GLT1D1: variants seen among roughly 807,000 people sequenced by gnomAD.
The protein encoded by GLT1D1 is glycosyltransferase 1 domain-containing protein 1.
In GLT1D1, 21 loss-of-function variants were observed where a neutral mutation model predicts 28.7. The ratio of observed to expected loss-of-function variants is 0.73; its 90% CI spans 0.52 to 1.05. The LOEUF is 1.05. Ranked by LOEUF, GLT1D1 falls within the 50% of genes least tolerant of loss-of-function variation. GLT1D1 has a pLI of 0.00. For synonymous variants in GLT1D1, 147 were observed against 124.8 expected (o/e 1.18, Z -1.19); for missense variants, 343 against 330.6 (o/e 1.04, Z -0.29).
intron 4 of GLT1D1, among the ~76,000 whole-genome samples, chr12:128,908,382 C>CTT (rs1374404760): frequency 2.9e-4 from 12 of 41,046 alleles, no homozygotes; most frequent in East Asian, 1.2e-3. Flanking sequence ...TCTTTTCTTT[C>CTT]TCTTTCTTTC....
At chr12:128,939,881 C>T (rs1293776403) in intron 4 of GLT1D1, among the ~76,000 whole-genome samples, 1 of 150,344 alleles carries the variant, frequency 6.7e-6, no homozygotes, top group African/African-American at 2.4e-5. Context: ...CAGGCCCCAC[C>T]TCCAACAATG....
intron 4 of GLT1D1, among the ~76,000 whole-genome samples, chr12:128,919,976 T>C (rs934411503): frequency 1.1e-4 from 3 of 26,730 alleles, no homozygotes; most frequent in Admixed American, 4.5e-4. Flanking sequence ...TCTCTCTCTC[T>C]CTCTCTCTCT....
chr12:128,934,797 C>T (rs192342696), intron 4 of GLT1D1, among the ~76,000 whole-genome samples: 42 of 152,318 alleles, frequency 2.8e-4, no homozygotes, highest in African/African-American at 9.6e-4. Flanking sequence ...GCCCTTCATT[C>T]AAGGCTTCAC....
intron 4 of GLT1D1, among the ~76,000 whole-genome samples, chr12:128,904,989 G>A (rs1412804434): frequency 2.0e-5 from 3 of 152,126 alleles, no homozygotes; most frequent in East Asian, 1.9e-4. Flanking sequence ...GGCTGGTCTC[G>A]AACTCCTGAC....
chr12:128,908,880 C>T (rs927612486), intron 4 of GLT1D1, among the ~76,000 whole-genome samples: 13 of 152,080 alleles, frequency 8.5e-5, no homozygotes, highest in Non-Finnish European at 1.5e-4. Context: ...ACCCGGGAGG[C>T]AGAGCTTGCA....
At chr12:128,860,121 T>C (rs992340247) in intron 1 of GLT1D1, among the ~76,000 whole-genome samples, 4 of 152,214 alleles carry the variant, frequency 2.6e-5, no homozygotes, top group African/African-American at 9.6e-5. Flanking sequence ...CTAAGCAATG[T>C]AACATTAGCA....
chr12:128,954,757 G>T (rs1449106665), intron 6 of GLT1D1, among the ~76,000 whole-genome samples: 1 of 152,220 alleles, frequency 6.6e-6, no homozygotes, highest in African/African-American at 2.4e-5. Context: ...TCAGATGAGT[G>T]TGGAAAACAT....
chr12:128,874,130 CTTTCTTTCTT>C (rs1566091556), intron 1 of GLT1D1, among the ~76,000 whole-genome samples: 17 of 55,726 alleles, frequency 3.1e-4, no homozygotes, highest in South Asian at 1.2e-3. Flanking sequence ...CTCTCTCTTT[CTTTCTTTCTT>C]TCTTTCTTTC....
chr12:128,928,534 G>T lies in GLT1D1; in HGVS notation c.376-16792G>T, dbSNP rs560492029. Among the ~76,000 whole-genome samples, 10 of 152,218 alleles carry T rather than the reference G, an allele frequency of 6.6e-5. No homozygotes were observed. In the South Asian group the frequency reaches 2.1e-3, roughly 32 times the overall value. On this transcript the variant is annotated intron_variant, in intron 4 of 7. Coordinates refer to ENST00000281703, the MANE Select transcript of GLT1D1 (RefSeq NM_144669.3). ...AATGAGCTCGTCTTTACTCCAAGCG[G>T]TTTGGAAAACAGAATACACCTAGTG...
At chr12:128,918,446 A>G (rs1207515951) in intron 4 of GLT1D1, among the ~76,000 whole-genome samples, 1 of 152,226 alleles carries the variant, frequency 6.6e-6, no homozygotes, top group Non-Finnish European at 1.5e-5. Flanking sequence ...ACACCTGCAC[A>G]TCCTGCACAC....
At chr12:128,895,498 C>T (rs7301347) in intron 3 of GLT1D1, among the ~76,000 whole-genome samples, 29,547 of 150,620 alleles carry the variant, frequency 0.2, 3,358 homozygotes, top group Admixed American at 0.27. Context: ...GCTCTGTCAC[C>T]CAGGCTGGAG....
intron 7 of GLT1D1, among the ~76,000 whole-genome samples, chr12:128,964,308 G>A (rs959347444): frequency 8.5e-5 from 13 of 152,152 alleles, no homozygotes; most frequent in African/African-American, 3.1e-4. Context: ...ACTTGAGCCT[G>A]AGAGGTAGAG....
chr12:128,873,001 C>A (rs1460629722), intron 1 of GLT1D1, among the ~76,000 whole-genome samples: 1 of 152,072 alleles, frequency 6.6e-6, no homozygotes, highest in African/African-American at 2.4e-5. Flanking sequence ...ACTCATCGAT[C>A]CTCCCATCTC....
Position 128,879,378 on chromosome 12 carries a change from T to TTTTCTTTCTTTCTTTCTTTCTTTCTTTC in GLT1D1, c.217+3372_217+3399dup, listed in dbSNP as rs572806857. On this transcript the variant is annotated intron_variant, in intron 2 of 7. Coordinates refer to ENST00000281703, the MANE Select transcript of GLT1D1 (RefSeq NM_144669.3). ...AAAGTGATACTTATTATTTTTTTCTTTTTCTTTCTTTCTTTCTTTCTTTCT... is the reference window on the plus strand; with the variant it reads ...AAAGTGATACTTATTATTTTTTTCTTTTTCTTTCTTTCTTTCTTTCTTTCTTTCTTTCTTTCTTTCTTTCTTTCTTTCT... 1.6e-3 allele frequency among the ~76,000 whole-genome samples: 115 copies of TTTTCTTTCTTTCTTTCTTTCTTTCTTTC among 69,920 alleles called. 2 individuals carry two copies. Among genetic ancestry groups the TTTTCTTTCTTTCTTTCTTTCTTTCTTTC allele is most frequent in the East Asian group, 3.4e-3 (8 of 2,342 alleles). 45.9% of individuals were successfully genotyped at this position (69,920 alleles called of 152,430 possible).
At chr12:128,914,754 A>G in intron 4 of GLT1D1, 179 bp from the exon 6 acceptor site, 1 of 486,664 alleles carries the variant, frequency 2.1e-6, no homozygotes, top group Non-Finnish European at 3.6e-6. Flanking sequence ...CGGGAAGAGG[A>G]GGTTGCAGTG....
At chr12:128,908,404 CTTTCT>C (rs1566122699) in intron 4 of GLT1D1, among the ~76,000 whole-genome samples, 1 of 123,720 alleles carries the variant, frequency 8.1e-6, no homozygotes, top group Non-Finnish European at 1.6e-5. Context: ...CTCTCTCTCT[CTTTCT>C]TTCTTTCTTT....
At chr12:128,977,267 C>T (rs985266862) in intron 7 of GLT1D1, among the ~76,000 whole-genome samples, 1 of 152,130 alleles carries the variant, frequency 6.6e-6, no homozygotes, top group Admixed American at 6.5e-5. Context: ...CAGCTCCAGA[C>T]TCCTCAGAAA....
intron 4 of GLT1D1, chr12:128,907,006 C>A: frequency 2.9e-6 from 2 of 700,648 alleles, no homozygotes; most frequent in South Asian, 3.0e-5. Flanking sequence ...TCGGAATGAG[C>A]TGCGTGTCTC....
chr12:128,931,027 A>G (rs1873812245), intron 4 of GLT1D1, among the ~76,000 whole-genome samples: 2 of 146,756 alleles, frequency 1.4e-5, no homozygotes, highest in Admixed American at 6.9e-5. Flanking sequence ...AATGAGACGG[A>G]GTCTTGCTCT....
Sources: gnomAD v4.1 joint callset for allele counts (sites outside exome capture counted in the v4.1 genomes callset) on GRCh38, gnomAD v4.1.1 for gene constraint, MANE v1.5 for transcripts, NCBI Gene and HGNC (gene_info 2026-07-23, HGNC 2026-07-21) for gene names.